LPIN2: variants seen among roughly 807,000 people sequenced by gnomAD.
LPIN2 encodes lipin 2, also known as phosphatidate phosphatase LPIN2.
LPIN2 carries 55 observed loss-of-function variants against 111.4 expected under a neutral mutation model. That is an observed-to-expected ratio of 0.49 (90% CI 0.40 to 0.62). LPIN2 has a LOEUF of 0.62. Among genes scored for constraint, LPIN2 ranks in the 20% least tolerant of loss-of-function variants. The probability of loss-of-function intolerance (pLI) is 0.00; values close to 1 mark genes in which losing one functional copy is unlikely to be tolerated. For missense variants in LPIN2, 992 were observed against 1,112.1 expected (o/e 0.89, Z 1.54); for synonymous variants, 425 against 414.0 (o/e 1.03, Z -0.32).
intron 1 of LPIN2, among the ~76,000 whole-genome samples, chr18:3,006,184 G>A (rs1026703162): frequency 2.0e-5 from 3 of 152,116 alleles, no homozygotes; most frequent in African/African-American, 7.2e-5. Context: ...CTGTAATAAT[G>A]ATAATCTTTT....
In LPIN2 at chr18:2,925,386, A is replaced by C; in HGVS notation, c.1794-18T>G. On this transcript the variant is annotated intron_variant, in intron 13 of 19. Coordinates refer to ENST00000677752, the MANE Select transcript of LPIN2 (RefSeq NM_001375808.2). The surrounding 1 kb of genome is among the most constrained non-coding windows in gnomAD (Gnocchi z 4.1). ...CGGCCGGCCTGTTCAACATTAGCCC[A>C]GTTACGGAAGAGGCAGCAGGGCATT... 2 of 1,614,046 alleles carry C rather than the reference A, an allele frequency of 1.2e-6. No homozygotes were observed. The highest frequency in any genetic ancestry group is 8.5e-7 in the Non-Finnish European group (1 of 1,179,962).
chr18:2,993,697 A>T (rs606574), intron 1 of LPIN2, among the ~76,000 whole-genome samples: 1 of 152,002 alleles, frequency 6.6e-6, no homozygotes, highest in Non-Finnish European at 1.5e-5. Context: ...GACCACAACA[A>T]ATCCACTTCT....
chr18:2,985,747 T>A (rs1220541433), intron 1 of LPIN2, among the ~76,000 whole-genome samples: 1 of 152,148 alleles, frequency 6.6e-6, no homozygotes, highest in African/African-American at 2.4e-5. Flanking sequence ...ACTAAGCTGG[T>A]TCAACAGAAA....
intron 9 of LPIN2, 102 bp from the exon 10 acceptor site, chr18:2,929,260 T>G: frequency 1.2e-6 from 1 of 828,680 alleles, no homozygotes; most frequent in Non-Finnish European, 2.0e-6. Context: ...TAAAATCATC[T>G]GTCTAAAAAA....
chr18:2,945,820 T>C, intron 4 of LPIN2: 1 of 1,453,764 alleles, frequency 6.9e-7, no homozygotes, highest in Non-Finnish European at 9.6e-7. Context: ...ACTGAAATGG[T>C]AACTTCACCT....
chr18:2,930,967 G>A lies in LPIN2; in HGVS notation c.1456+289C>T, dbSNP rs575027872. ...ACAGATGAGAAAACTGGTGCAGTGT[G>A]ATGATCGCACCCTGGCAGCTCAGAA... On this transcript the variant is annotated intron_variant, in intron 9 of 19. Coordinates refer to ENST00000677752, the MANE Select transcript of LPIN2 (RefSeq NM_001375808.2). Among the ~76,000 whole-genome samples, 3 of 152,312 alleles carry A rather than the reference G, an allele frequency of 2.0e-5. No homozygotes were observed. The South Asian group carries it at 6.2e-4, about 32-fold the overall frequency.
intron 1 of LPIN2, among the ~76,000 whole-genome samples, chr18:2,996,495 T>TTTGG (rs1383642994): frequency 1.9e-5 from 2 of 104,226 alleles, no homozygotes; most frequent in Non-Finnish European, 3.8e-5. Flanking sequence ...TTTTTTTTTT[T>TTTGG]GAGACAGAGT....
At chr18:2,967,129 C>T (rs1229814935) in intron 1 of LPIN2, 2 of 152,136 alleles carry the variant, frequency 1.3e-5, no homozygotes, top group Non-Finnish European at 2.9e-5. Flanking sequence ...GTGGGTTATG[C>T]TAGCAGGCAT....
At chr18:3,012,418 T>C (rs768875178) in intron 1 of LPIN2, among the ~76,000 whole-genome samples, 22 of 152,240 alleles carry the variant, frequency 1.4e-4, no homozygotes, top group Non-Finnish European at 3.2e-4. Flanking sequence ...CCGCTGGCGT[T>C]AGAAGTGGAC....
chr18:2,986,499 A>G (rs1034648954), intron 1 of LPIN2, among the ~76,000 whole-genome samples: 1 of 151,044 alleles, frequency 6.6e-6, no homozygotes, highest in African/African-American at 2.4e-5. Flanking sequence ...TTTATCTTTA[A>G]AATTCACACA....
intron 1 of LPIN2, among the ~76,000 whole-genome samples, chr18:2,995,055 T>C (rs2078321230): frequency 6.6e-6 from 1 of 152,276 alleles, no homozygotes; most frequent in African/African-American, 2.4e-5. Flanking sequence ...CCCCTTCATA[T>C]AGCAGGGTTC....
Position 2,951,375 on chromosome 18 carries a change from A to T in LPIN2, c.289-19T>A. On this transcript the variant is annotated intron_variant, in intron 3 of 19. Transcript: ENST00000677752. ...GCTTTTCCTTGAGGAGAATGGAGAA[A>T]GAAAAGTTATCCATGACAAACTCGA... 1.9e-6 allele frequency: 3 copies of T among 1,606,606 alleles called. No individual in the cohort carries two copies. The highest frequency in any genetic ancestry group is 2.6e-6 in the Non-Finnish European group (3 of 1,173,386).
chr18:2,967,229 T>C (rs554926052), intron 1 of LPIN2, among the ~76,000 whole-genome samples: 1 of 152,240 alleles, frequency 6.6e-6, no homozygotes, highest in Admixed American at 6.5e-5. Flanking sequence ...GTCCCAACTT[T>C]CTCCACTACC....
intron 1 of LPIN2, among the ~76,000 whole-genome samples, chr18:3,005,480 T>A (rs1011311699): frequency 6.6e-6 from 1 of 151,620 alleles, no homozygotes; most frequent in African/African-American, 2.4e-5. Context: ...AAGTTTCAGA[T>A]CTTCCTCAGC....
intron 11 of LPIN2, among the ~76,000 whole-genome samples, 172 bp from the exon 12 acceptor site, chr18:2,927,983 C>A (rs1416402209): frequency 6.6e-6 from 1 of 152,186 alleles, no homozygotes; most frequent in East Asian, 1.9e-4. Flanking sequence ...GAGACAGACC[C>A]CGTCCTGCTT....
chr18:2,982,842 C>A (rs2078133210), intron 1 of LPIN2: 2 of 592,854 alleles, frequency 3.4e-6, no homozygotes, highest in African/African-American at 1.9e-5. Context: ...GCTCTCTTGA[C>A]AAACTGAGTA....
chr18:3,010,739 CAACT>C (rs758987708), intron 1 of LPIN2, among the ~76,000 whole-genome samples: 3 of 152,204 alleles, frequency 2.0e-5, no homozygotes, highest in Non-Finnish European at 4.4e-5. Context: ...ACTAATCTAT[CAACT>C]AACAAGACAA....
Position 2,919,345 on chromosome 18 carries a change from C to CT in LPIN2, c.*947dup, listed in dbSNP as rs3840906. The stretch of plus-strand genomic sequence containing the variant: ...GTGCCTTTAAGCAAGCTTCACTGTG[C>CT]TTCCCTGACAAATCTGAATCACAGA... On this transcript the variant is annotated 3_prime_UTR_variant, in exon 20 of 20. Transcript: ENST00000677752. 55,127 of 151,910 alleles carry CT rather than the reference C, an allele frequency of 0.36. 10,499 individuals are homozygous for CT. The highest frequency in any genetic ancestry group is 0.43 in the Admixed American group (6,598 of 15,258). The allele number at this position is 151,910 out of a possible 1,614,324, so 9.4% of individuals were successfully genotyped here.
At chr18:2,973,963 C>CAG (rs1376443729) in intron 1 of LPIN2, among the ~76,000 whole-genome samples, 2 of 152,200 alleles carry the variant, frequency 1.3e-5, no homozygotes, top group African/African-American at 4.8e-5. Flanking sequence ...GATGCTCATT[C>CAG]TGTACTATAA....
Sources: gnomAD v4.1 joint callset for allele counts (sites outside exome capture counted in the v4.1 genomes callset) on GRCh38, gnomAD v4.1.1 for gene constraint, Gnocchi (gnomAD v3.1) non-coding constraint, MANE v1.5 for transcripts, NCBI Gene and HGNC (gene_info 2026-07-23, HGNC 2026-07-21) for gene names.